Variants in FOCAD observed in about 807,000 individuals in gnomAD.
FOCAD encodes KIAA1797.
FOCAD carries 198 observed loss-of-function variants against 225.6 expected under a neutral mutation model. The ratio of observed to expected loss-of-function variants is 0.88; its 90% CI spans 0.78 to 0.99. FOCAD has a LOEUF of 0.99. Among genes scored for constraint, FOCAD ranks in the 50% least tolerant of loss-of-function variants. The probability of loss-of-function intolerance (pLI) is 0.00; values close to 1 mark genes in which losing one functional copy is unlikely to be tolerated. For synonymous variants in FOCAD, 897 were observed against 755.0 expected (o/e 1.19, Z -3.08); for missense variants, 2,713 against 2,123.6 (o/e 1.28, Z -5.46).
chr9:20,970,471 A>G (rs1365778882), intron 35 of FOCAD, among the ~76,000 whole-genome samples: 1 of 152,020 alleles, frequency 6.6e-6, no homozygotes, highest in Non-Finnish European at 1.5e-5. Flanking sequence ...TAATCCCTCT[A>G]GTGAGTTTTT....
intron 15 of FOCAD, among the ~76,000 whole-genome samples, chr9:20,860,357 A>G (rs1394972503): frequency 6.6e-6 from 1 of 152,130 alleles, no homozygotes; most frequent in Non-Finnish European, 1.5e-5. Flanking sequence ...CAAAAGAAAG[A>G]GGTTTAATTG....
chr9:20,797,880 T>G (rs1029762517), intron 11 of FOCAD, among the ~76,000 whole-genome samples: 1 of 152,138 alleles, frequency 6.6e-6, no homozygotes, highest in African/African-American at 2.4e-5. Context: ...CTTCCAACAC[T>G]ATGTCGAATG....
intron 41 of FOCAD, 120 bp from the exon 42 acceptor site, chr9:20,990,003 G>A: frequency 8.8e-7 from 1 of 1,133,862 alleles, no homozygotes; most frequent in Non-Finnish European, 1.3e-6. Context: ...TAGGGCAGGA[G>A]GGACTGGTTG....
chr9:20,973,038 T>C (rs183460208), intron 35 of FOCAD, among the ~76,000 whole-genome samples: 3 of 150,776 alleles, frequency 2.0e-5, no homozygotes, highest in African/African-American at 4.9e-5. Flanking sequence ...TGGCCTCTGC[T>C]TCTCCTTGTT....
At chr9:20,750,950 CT>C (rs995649525) in intron 5 of FOCAD, among the ~76,000 whole-genome samples, 4 of 151,944 alleles carry the variant, frequency 2.6e-5, no homozygotes, top group Non-Finnish European at 4.4e-5. Flanking sequence ...TAATGGGTGG[CT>C]TGGGTTATAC....
At chr9:20,841,073 C>A (rs987218399) in intron 15 of FOCAD, among the ~76,000 whole-genome samples, 7 of 151,886 alleles carry the variant, frequency 4.6e-5, no homozygotes, top group East Asian at 3.9e-4. Flanking sequence ...GGAATAAATA[C>A]CACTTAGGAT....
chr9:20,965,862 A>T (rs564654962), intron 35 of FOCAD, among the ~76,000 whole-genome samples: 1 of 152,158 alleles, frequency 6.6e-6, no homozygotes, highest in East Asian at 1.9e-4. Context: ...AAGTATCAGT[A>T]CTTCATTCAT....
chr9:20,706,335 T>A (rs1437167227), intron 1 of FOCAD, among the ~76,000 whole-genome samples: 1 of 152,166 alleles, frequency 6.6e-6, no homozygotes, highest in Non-Finnish European at 1.5e-5. Flanking sequence ...AGGCTCCCAT[T>A]TCAAAATCTG....
At chr9:20,770,662 A>G (rs1326043544) in intron 8 of FOCAD, among the ~76,000 whole-genome samples, 1 of 152,210 alleles carries the variant, frequency 6.6e-6, no homozygotes, top group Non-Finnish European at 1.5e-5. Context: ...TCCAAACCAT[A>G]TCAGATAGAC....
intron 5 of FOCAD, among the ~76,000 whole-genome samples, chr9:20,751,284 A>T (rs979574598): frequency 6.9e-6 from 1 of 144,140 alleles, no homozygotes; most frequent in Non-Finnish European, 1.5e-5. Context: ...AGCATTAGGT[A>T]TATCTCCCAG....
chr9:20,785,246 T>C (rs771969740), intron 10 of FOCAD, among the ~76,000 whole-genome samples: 2 of 152,222 alleles, frequency 1.3e-5, no homozygotes, highest in African/African-American at 2.4e-5. Flanking sequence ...TGAAATGTAA[T>C]TCACATGCGC....
At chr9:20,873,457 T>G (rs565027695) in intron 18 of FOCAD, among the ~76,000 whole-genome samples, 12 of 152,330 alleles carry the variant, frequency 7.9e-5, no homozygotes, top group South Asian at 6.2e-4. Flanking sequence ...TTCTCTGATA[T>G]GCAGTGATTT....
chr9:20,865,532 C>A (rs1829151233), intron 16 of FOCAD, among the ~76,000 whole-genome samples: 1 of 151,940 alleles, frequency 6.6e-6, no homozygotes, highest in Non-Finnish European at 1.5e-5. Context: ...TATTGTACAA[C>A]CTCGAGTGAG....
rs746296955 is a variant in FOCAD at position 20,912,979 on chromosome 9, A to G, written c.2807+25A>G. On this transcript the variant is annotated intron_variant, in intron 23 of 43. Coordinates refer to ENST00000338382, the MANE Select transcript of FOCAD (RefSeq NM_001375567.1). ...GGTAAGTGTTCATGTTCAGCTGCCC[A>G]TTATTTGTCATGGGAAGTGAGCTAT... is the stretch of plus-strand genomic sequence containing the variant. 9 of 1,583,444 alleles carry G rather than the reference A, an allele frequency of 5.7e-6. No individual in the cohort carries two copies. In the African/African-American group the frequency reaches 8.1e-5, roughly 14 times the overall value.
At chr9:20,760,755 T>C (rs1158683828) in intron 6 of FOCAD, among the ~76,000 whole-genome samples, 1 of 152,202 alleles carries the variant, frequency 6.6e-6, no homozygotes, top group Non-Finnish European at 1.5e-5. Flanking sequence ...GGGCAGGGAC[T>C]GTGTTTCATT....
intron 2 of FOCAD, chr9:20,716,279 T>C: frequency 3.3e-6 from 1 of 303,520 alleles, no homozygotes; most frequent in East Asian, 6.8e-5. Flanking sequence ...CTGGAGTCTC[T>C]TTGTTAACAT....
chr9:20,854,884 G>C (rs1828012231), intron 15 of FOCAD, among the ~76,000 whole-genome samples: 1 of 151,702 alleles, frequency 6.6e-6, no homozygotes, highest in African/African-American at 2.4e-5. Context: ...TAGGCTGGCA[G>C]TTTCCTTAGC....
At chr9:20,782,934 G>GA (rs1819524992) in intron 10 of FOCAD, among the ~76,000 whole-genome samples, 1 of 152,190 alleles carries the variant, frequency 6.6e-6, no homozygotes, top group Non-Finnish European at 1.5e-5. Context: ...TTTAAAACTT[G>GA]AAACAGGTAA....
At chr9:20,982,623 G>A (rs1840800995) in intron 39 of FOCAD, among the ~76,000 whole-genome samples, 177 bp downstream of exon 39, 1 of 152,136 alleles carries the variant, frequency 6.6e-6, no homozygotes, top group South Asian at 2.1e-4. Context: ...AATGTGGTTG[G>A]TGCTTAACAA....
Sources: gnomAD v4.1 joint callset for allele counts (sites outside exome capture counted in the v4.1 genomes callset) on GRCh38, gnomAD v4.1.1 for gene constraint, MANE v1.5 for transcripts, NCBI Gene and HGNC (gene_info 2026-07-23, HGNC 2026-07-21) for gene names.